Variants in SPATA9 observed in about 807,000 individuals in gnomAD.
The protein encoded by SPATA9 is spermatogenesis-associated protein 9.
In SPATA9, 27 loss-of-function variants were observed where a neutral mutation model predicts 25.5. The ratio of observed to expected loss-of-function variants is 1.06; its 90% CI spans 0.78 to 1.46. SPATA9 has a LOEUF of 1.46. Ranked by LOEUF, SPATA9 falls within the 40% of genes most tolerant of loss-of-function variation. The probability of loss-of-function intolerance (pLI) is 0.00; values close to 1 mark genes in which losing one functional copy is unlikely to be tolerated. For missense variants in SPATA9, 282 were observed against 297.5 expected, an observed-to-expected ratio of 0.95 and a Z score of 0.38; for synonymous variants, 102 against 105.7, an observed-to-expected ratio of 0.97 and a Z score of 0.21.
chr5:95,668,263 T>C (rs140775837), intron 3 of SPATA9, among the ~76,000 whole-genome samples: 2 of 152,216 alleles, frequency 1.3e-5, no homozygotes, highest in Non-Finnish European at 2.9e-5. Flanking sequence ...ACTTGATATA[T>C]GGTATGCTTC....
the SPATA9 span, chr5:95,731,722 AGCGCGTGCCGT>A: frequency 6.2e-7 from 1 of 1,612,978 alleles, no homozygotes; most frequent in Non-Finnish European, 8.5e-7. Flanking sequence ...GTCTCTCTCC[AGCGCGTGCCGT>A]GCGCCCCAGG....
In SPATA9 at chr5:95,658,342, A is replaced by C. The variant is rs1324407805; in HGVS notation, c.*281T>G. 2 of 227,872 alleles carry C rather than the reference A, an allele frequency of 8.8e-6. No individual in the cohort carries two copies. Among genetic ancestry groups the C allele is most frequent in the Non-Finnish European group, 1.7e-5 (2 of 117,446 alleles). 14.1% of individuals were successfully genotyped at this position (227,872 alleles called of 1,614,324 possible). ...TAATAAAAACATTAATGTATTATAA[A>C]TATGCTTATATTATAAACCACAGTG... On this transcript the variant is annotated 3_prime_UTR_variant, in exon 5 of 5. Coordinates refer to ENST00000274432, the MANE Select transcript of SPATA9 (RefSeq NM_031952.4).
At chr5:95,699,736 A>T (rs1337370057), upstream of SPATA9, among the ~76,000 whole-genome samples, 1 of 152,258 alleles carries the variant, frequency 6.6e-6, no homozygotes, top group Non-Finnish European at 1.5e-5. Flanking sequence ...GGAAATTGCC[A>T]GAGTGAGCAA....
the SPATA9 span, among the ~76,000 whole-genome samples, chr5:95,705,318 A>G: frequency 6.6e-6 from 1 of 152,196 alleles, no homozygotes; most frequent in African/African-American, 2.4e-5. Flanking sequence ...ATCCCTTAAT[A>G]TGGTTGCATT....
At chr5:95,671,922 TA>T (rs11441112) in intron 3 of SPATA9, among the ~76,000 whole-genome samples, 2 of 148,676 alleles carry the variant, frequency 1.3e-5, no homozygotes, top group South Asian at 2.1e-4. Flanking sequence ...TTAAAAAAAG[TA>T]AAAAAAAACC....
chr5:95,657,319 C>T (rs566904879), downstream of SPATA9: 2 of 151,710 alleles, frequency 1.3e-5, no homozygotes, highest in African/African-American at 2.4e-5. Flanking sequence ...ATGGTCATAC[C>T]GTACCAGTTG....
At position 95,682,572 on chromosome 5, in the gene SPATA9, T is replaced by C; in HGVS notation, c.106A>G (p.Lys36Glu). 1 of 1,613,870 alleles carries C rather than the reference T, an allele frequency of 6.2e-7. No individual in the cohort carries two copies. Among genetic ancestry groups the C allele is most frequent in the Non-Finnish European group, 8.5e-7 (1 of 1,179,822 alleles). Residue 36 changes from lysine (K) to glutamate (E), a missense_variant, in exon 2 of 5, where the codon AAA becomes GAA. Coordinates refer to ENST00000274432, the MANE Select transcript of SPATA9 (RefSeq NM_031952.4). Reference sequence around the variant, plus strand: ...CTTAGGATGGTGGGAAATTCATCTTTAAACTCATCTACAAGGTCCATGATT... The same window carrying C: ...CTTAGGATGGTGGGAAATTCATCTTCAAACTCATCTACAAGGTCCATGATT... ...KAIMDLVDEF[K>E]DEFPTILRLS...
chr5:95,723,145 A>G, the SPATA9 span, among the ~76,000 whole-genome samples: 27 of 152,170 alleles, frequency 1.8e-4, no homozygotes, highest in Admixed American at 4.6e-4. Flanking sequence ...CTTGGGCCAC[A>G]CATAAACTAC....
In SPATA9 at chr5:95,682,775, A is replaced by C. The variant is rs1299967142; in HGVS notation, c.61+19T>G. On this transcript the variant is annotated intron_variant, in intron 1 of 4. Transcript: ENST00000274432. ...TTGTTCCCACACCCATACGCCCTTT[A>C]CAACAAGATTGTGTATACTTCTTCC... is the stretch of plus-strand genomic sequence containing the variant. 6.5e-7 allele frequency: 1 copy of C among 1,542,564 alleles called. No homozygotes were observed. The highest frequency in any genetic ancestry group is 8.7e-7 in the Non-Finnish European group (1 of 1,149,190).
upstream of SPATA9, among the ~76,000 whole-genome samples, chr5:95,701,972 A>G (rs957084666): frequency 3.9e-5 from 6 of 152,228 alleles, no homozygotes; most frequent in Non-Finnish European, 8.8e-5. Context: ...TTACTGAACA[A>G]AAGTTAATGG....
intron 3 of SPATA9, chr5:95,670,960 C>A (rs1752314342): frequency 1.3e-5 from 12 of 911,946 alleles, no homozygotes; most frequent in Non-Finnish European, 1.4e-5. Flanking sequence ...TCAACCCTAG[C>A]TACTGTATAC....
chr5:95,654,680 A>G (rs913034237), downstream of SPATA9, among the ~76,000 whole-genome samples: 3 of 152,212 alleles, frequency 2.0e-5, no homozygotes, highest in African/African-American at 4.8e-5. Flanking sequence ...AAATTATGAT[A>G]CAGCCATGCT....
chr5:95,701,651 C>G (rs1451500106), upstream of SPATA9, among the ~76,000 whole-genome samples: 1 of 151,306 alleles, frequency 6.6e-6, no homozygotes, highest in African/African-American at 2.4e-5. Context: ...TACTAGATCC[C>G]CCCAACAGGT....
the SPATA9 span, among the ~76,000 whole-genome samples, chr5:95,705,909 T>C: frequency 6.6e-6 from 1 of 152,230 alleles, no homozygotes; most frequent in African/African-American, 2.4e-5. Context: ...TCTTTTTTGA[T>C]ATTCCAAAAG....
intron 1 of SPATA9, among the ~76,000 whole-genome samples, chr5:95,694,017 T>C (rs1753951062): frequency 6.6e-6 from 1 of 151,894 alleles, no homozygotes; most frequent in African/African-American, 2.4e-5. Context: ...AAAAGTAGCC[T>C]GGTATAGCGT....
At chr5:95,701,129 A>G (rs1355972346), upstream of SPATA9, 1 of 152,202 alleles carries the variant, frequency 6.6e-6, no homozygotes, top group East Asian at 1.9e-4. Flanking sequence ...GAAGTCCCTT[A>G]TAACTCTGAA....
chr5:95,694,482 T>C (rs1399136132), intron 1 of SPATA9, among the ~76,000 whole-genome samples: 1 of 152,224 alleles, frequency 6.6e-6, no homozygotes, highest in African/African-American at 2.4e-5. Flanking sequence ...ATCATGTTCA[T>C]TCAACAGTGC....
intron 3 of SPATA9, among the ~76,000 whole-genome samples, chr5:95,672,332 CAG>C (rs1281857262): frequency 6.6e-6 from 1 of 152,070 alleles, no homozygotes; most frequent in African/African-American, 2.4e-5. Flanking sequence ...TTTACCCTAT[CAG>C]TGTGATGCAG....
intron 3 of SPATA9, among the ~76,000 whole-genome samples, chr5:95,666,928 T>C (rs1391258124): frequency 6.6e-6 from 1 of 152,152 alleles, no homozygotes; most frequent in East Asian, 1.9e-4. Flanking sequence ...GCACCAAAAG[T>C]TTAATTGCTG....
Sources: gnomAD v4.1 joint callset for allele counts (sites outside exome capture counted in the v4.1 genomes callset) on GRCh38, gnomAD v4.1.1 for gene constraint, MANE v1.5 for transcripts, NCBI Gene and HGNC (gene_info 2026-07-23, HGNC 2026-07-21) for gene names.